Variants in RHBDL1 observed in about 807,000 individuals in gnomAD.
The protein encoded by RHBDL1 is rhomboid like 1.
Under a neutral mutation model 34.0 loss-of-function variants are expected in RHBDL1, and 21 were observed. The observed-to-expected ratio is 0.62, with a 90% CI of 0.44 to 0.89. The LOEUF is 0.89. Ranked by LOEUF, RHBDL1 falls within the 40% of genes least tolerant of loss-of-function variation. The pLI is 0.00. For synonymous variants in RHBDL1, 268 were observed against 234.8 expected (o/e 1.14, Z -1.29); for missense variants, 450 against 530.6 (o/e 0.85, Z 1.49).
chr16:675,862 C>T, intron 1 of RHBDL1, 33 bp downstream of exon 1: 2 of 1,494,916 alleles, frequency 1.3e-6, no homozygotes, highest in African/African-American at 1.4e-5. Context: ...GAGCTGGCAC[C>T]GCCCCCAATG....
In RHBDL1 at chr16:676,743, G is replaced by T; in HGVS notation, c.273G>T (p.Gly91=). ...ANGQRALPRD[G]PLDEPGLGVY... is the part of the protein sequence containing the mutation. ...GACAGCGGGCACTGCCCCGGGACGG[G>T]CCGCTGGATGAGCCAGGCCTAGGTG... The change falls in exon 3 of 8, where the codon GGG becomes GGT. Residue 91 remains glycine, a synonymous_variant. Transcript: ENST00000352681. The surrounding 1 kb of genome is among the most constrained non-coding windows in gnomAD (Gnocchi z 6.9). The T allele has an allele frequency of 6.2e-7, 1 of 1,611,904 alleles. No homozygotes were observed. Among genetic ancestry groups the T allele is most frequent in the Non-Finnish European group, 8.5e-7 (1 of 1,179,792 alleles).
chr16:677,809 G>T lies in RHBDL1; in HGVS notation c.879G>T (p.Trp293Cys). 6.4e-7 allele frequency: 1 copy of T among 1,563,580 alleles called. No homozygotes were observed. Residue 293 changes from tryptophan to cysteine, a missense_variant, in exon 8 of 8, where the codon TGG becomes TGT. Trp to Cys is a radical substitution (Grantham distance 215, BLOSUM62 -2). Transcript: ENST00000352681. Reference sequence around the variant, plus strand: ...GCTCCGAGGTGGGCCGGGCCGTGTGGCTGCGCTTCTCCCCGCCGCTGCCCG... The same window carrying T: ...GCTCCGAGGTGGGCCGGGCCGTGTGTCTGCGCTTCTCCCCGCCGCTGCCCG... ...CMSSEVGRAV[W>C]LRFSPPLPAS...
At chr16:675,985 G>C in intron 1 of RHBDL1, 156 bp downstream of exon 1, 1 of 1,415,562 alleles carries the variant, frequency 7.1e-7, no homozygotes, top group Non-Finnish European at 9.3e-7. Flanking sequence ...GACCCCAGGA[G>C]AGGACTGACT....
intron 4 of RHBDL1, 58 bp downstream of exon 4, chr16:677,177 C>T (rs1486418205): frequency 6.3e-7 from 1 of 1,581,126 alleles, no homozygotes; most frequent in African/African-American, 1.3e-5. Flanking sequence ...ATCAGAAAGG[C>T]TTAGCCGCAA....
intron 1 of RHBDL1, 138 bp downstream of exon 1, chr16:675,967 G>A: frequency 1.4e-6 from 2 of 1,412,814 alleles, no homozygotes; most frequent in Non-Finnish European, 1.9e-6. Flanking sequence ...CTTGGTCCGT[G>A]TGTCTGGGAC....
In RHBDL1 at chr16:676,743, G is replaced by C; in HGVS notation, c.273G>C (p.Gly91=). The change falls in exon 3 of 8, where the codon GGG becomes GGC. Residue 91 remains glycine, a synonymous_variant. Transcript: ENST00000352681. The surrounding 1 kb of genome is among the most constrained non-coding windows in gnomAD (Gnocchi z 6.9). Reference sequence around the variant, plus strand: ...GACAGCGGGCACTGCCCCGGGACGGGCCGCTGGATGAGCCAGGCCTAGGTG... The same window carrying C: ...GACAGCGGGCACTGCCCCGGGACGGCCCGCTGGATGAGCCAGGCCTAGGTG... ...ANGQRALPRD[G]PLDEPGLGVY... The C allele has an allele frequency of 6.2e-7, 1 of 1,611,904 alleles. No individual in the cohort carries two copies. Among genetic ancestry groups the C allele is most frequent in the Non-Finnish European group, 8.5e-7 (1 of 1,179,792 alleles).
chr16:677,420 C>T (rs2039567461), intron 5 of RHBDL1, 32 bp downstream of exon 5: 2 of 1,575,792 alleles, frequency 1.3e-6, no homozygotes, highest in South Asian at 1.1e-5. Context: ...GCCCCCTGCC[C>T]TGGCCGGCTG....
At chr16:677,748 A>AGCCTGCAGCCT (rs1447024434) in intron 7 of RHBDL1, 33 bp from the exon 8 acceptor site, 1 of 1,520,968 alleles carries the variant, frequency 6.6e-7, no homozygotes, top group Non-Finnish European at 8.8e-7. Flanking sequence ...GCCTGCAGCC[A>AGCCTGCAGCCT]GGGCACCTCC....
rs1297036207 is a variant in RHBDL1, at chr16:676,473, C to T, written c.177C>T (p.Val59=). Reference sequence around the variant, plus strand: ...CTCAGAGCAACGAGCAGGGCCAGGTCTGCTACCAGGAGCTGGTGGACCTGG... The same window carrying T: ...CTCAGAGCAACGAGCAGGGCCAGGTTTGCTACCAGGAGCTGGTGGACCTGG... The part of the protein sequence containing the change: ...ALAQSNEQGQ[V]CYQELVDLIS... Residue 59 remains valine, a synonymous_variant, in exon 2 of 8, where the codon GTC becomes GTT. Transcript: ENST00000352681. The surrounding 1 kb of genome is among the most constrained non-coding windows in gnomAD (Gnocchi z 6.9). 1 of 1,597,122 alleles carries T rather than the reference C, an allele frequency of 6.3e-7. No homozygotes were observed.
At chr16:677,156 C>T (rs1462328873) in intron 4 of RHBDL1, 37 bp downstream of exon 4, 1 of 1,583,272 alleles carries the variant, frequency 6.3e-7, no homozygotes, top group South Asian at 1.1e-5. Flanking sequence ...CCCGCCCCAA[C>T]CTGCCATTAC....
rs1331496412 is a variant in RHBDL1 at position 678,017 on chromosome 16, G to A, written c.1087G>A (p.Asp363Asn). ...FAVFWNVFAY[D>N]LLGAHIPPPP ...CGTCTTCTGGAACGTCTTCGCCTACGACCTGCTGGGCGCCCACATCCCCCC... is the reference window on the plus strand; with the variant it reads ...CGTCTTCTGGAACGTCTTCGCCTACAACCTGCTGGGCGCCCACATCCCCCC... The change falls in exon 8 of 8, where the codon GAC becomes AAC. Residue 363 changes from aspartate (D) to asparagine (N), a missense_variant. Transcript: ENST00000352681. 6.3e-7 allele frequency: 1 copy of A among 1,588,012 alleles called. No homozygotes were observed. Among genetic ancestry groups the A allele is most frequent in the Non-Finnish European group, 8.5e-7 (1 of 1,173,012 alleles).
Position 675,755 on chromosome 16 carries a change from C to G in RHBDL1, c.-36C>G, listed in dbSNP as rs936840700. ...GCAGAGCAGCCCCTCCCGGCCGCGG[C>G]CGCCGACCCCGGACCCCGGCCCCCG... is the stretch of plus-strand genomic sequence containing the variant. On this transcript the variant is annotated 5_prime_UTR_variant, in exon 1 of 8. Transcript: ENST00000352681. 7 of 1,416,118 alleles carry G rather than the reference C, an allele frequency of 4.9e-6. No homozygotes were observed. Among genetic ancestry groups the G allele is most frequent in the Non-Finnish European group, 5.6e-6 (6 of 1,072,264 alleles). The allele number at this position is 1,416,118 out of a possible 1,614,324, so 87.7% of individuals were successfully genotyped here. A position where few individuals can be genotyped will look rare whatever the true frequency, so the allele number is the denominator to read the frequency against.
rs775908953 is a variant in RHBDL1, at chr16:677,643, G to C, written c.794G>C (p.Trp265Ser). ...SAHLANVVMN[W>S]AGMRCPYKLL... ...CTCGTCTGCACACACCCATAGAACTGGGCTGGGATGAGATGTCCCTACAAG... is the reference window on the plus strand; with the variant it reads ...CTCGTCTGCACACACCCATAGAACTCGGCTGGGATGAGATGTCCCTACAAG... The change falls in exon 7 of 8, where the codon TGG becomes TCG. Residue 265 changes from tryptophan to serine, a missense_variant. Trp to Ser is a radical substitution (Grantham distance 177). Coordinates refer to ENST00000352681, the MANE Select transcript of RHBDL1 (RefSeq NM_001278720.2). 1.9e-6 allele frequency: 3 copies of C among 1,580,490 alleles called. No homozygotes were observed. The highest frequency in any genetic ancestry group is 2.3e-5 in the South Asian group (2 of 86,610).
Position 678,176 on chromosome 16 carries a change from C to T in RHBDL1, c.*124C>T. On this transcript the variant is annotated 3_prime_UTR_variant, in exon 8 of 8. Coordinates refer to ENST00000352681, the MANE Select transcript of RHBDL1 (RefSeq NM_001278720.2). ...GCTGTGCCCCTTGGGTGTGGGTGGC[C>T]TCAAAGGAGGCCCTGTCCCAGCCAC... 1.4e-6 allele frequency: 2 copies of T among 1,398,876 alleles called. No individual in the cohort carries two copies. The highest frequency in any genetic ancestry group is 1.8e-6 in the Non-Finnish European group (2 of 1,082,794). The allele number at this position is 1,398,876 out of a possible 1,614,324, so 86.7% of individuals were successfully genotyped here.
intron 1 of RHBDL1, 106 bp downstream of exon 1, chr16:675,935 A>G: frequency 1.4e-6 from 2 of 1,414,284 alleles, no homozygotes; most frequent in Non-Finnish European, 1.9e-6. Flanking sequence ...CCCGCTCGGT[A>G]CCTACCTCAT....
Position 675,817 on chromosome 16 carries a change from C to T in RHBDL1, c.27C>T (p.Leu9=). The change falls in exon 1 of 8, where the codon CTC becomes CTT. Residue 9 remains leucine, a synonymous_variant. Coordinates refer to ENST00000352681, the MANE Select transcript of RHBDL1 (RefSeq NM_001278720.2). ...TGGACAGGAGCTCGCTGCTGCAGCT[C>T]ATCCAGGAGCAGGTGCGTCGGGGGG... MDRSSLLQ[L]IQEQQLDPEN... is the part of the protein sequence containing the mutation. The T allele has an allele frequency of 6.6e-7, 1 of 1,516,350 alleles. No individual in the cohort carries two copies. 93.9% of individuals were successfully genotyped at this position (1,516,350 alleles called of 1,614,324 possible).
chr16:676,489 G>C lies in RHBDL1; in HGVS notation c.193G>C (p.Val65Leu). Residue 65 changes from valine to leucine, a missense_variant, in exon 2 of 8, where the codon GTG becomes CTG. Physicochemically the swap from Val to Leu is conservative, Grantham distance 32. Coordinates refer to ENST00000352681, the MANE Select transcript of RHBDL1 (RefSeq NM_001278720.2). This position sits in a 1 kb window ranked among gnomAD's most constrained non-coding sequence, Gnocchi z 6.9. ...GGGCCAGGTCTGCTACCAGGAGCTG[G>C]TGGACCTGGTCAGTGCCACGGTGGG... ...EQGQVCYQEL[V>L]DLISSKRSSS... 1 of 1,591,526 alleles carries C rather than the reference G, an allele frequency of 6.3e-7. No homozygotes were observed. The highest frequency in any genetic ancestry group is 8.5e-7 in the Non-Finnish European group (1 of 1,171,610).
chr16:675,796 C>G lies in RHBDL1; in HGVS notation c.6C>G (p.Asp2Glu). 6.6e-7 allele frequency: 1 copy of G among 1,508,308 alleles called. No homozygotes were observed. The highest frequency in any genetic ancestry group is 2.1e-5 in the Admixed American group (1 of 48,412). The allele number at this position is 1,508,308 out of a possible 1,614,324, so 93.4% of individuals were successfully genotyped here. The part of the protein sequence containing the change: M[D>E]RSSLLQLIQE... ...CCGGCCCCCGGCCAGGCTCTATGGA[C>G]AGGAGCTCGCTGCTGCAGCTCATCC... The change falls in exon 1 of 8, where the codon GAC becomes GAG. Residue 2 changes from aspartate (D) to glutamate (E), a missense_variant. By Grantham distance (45) the Asp-to-Glu change is conservative. Coordinates refer to ENST00000352681, the MANE Select transcript of RHBDL1 (RefSeq NM_001278720.2).
At chr16:677,183 C>A in intron 4 of RHBDL1, 64 bp downstream of exon 4, 2 of 1,579,610 alleles carry the variant, frequency 1.3e-6, no homozygotes, top group Non-Finnish European at 8.6e-7. Context: ...AAGGCTTAGC[C>A]GCAAGGCAGG....
Sources: allele counts gnomAD v4.1 joint callset, GRCh38; gene constraint gnomAD v4.1.1; non-coding constraint Gnocchi (gnomAD v3.1); transcripts MANE v1.5; gene names NCBI Gene and HGNC (gene_info 2026-07-23, HGNC 2026-07-21).